FBLIM1: variants seen among roughly 807,000 people sequenced by gnomAD.
FBLIM1 encodes the protein filamin binding LIM protein 1, also known as filamin-binding LIM protein 1.
Under a neutral mutation model 37.4 loss-of-function variants are expected in FBLIM1, and 29 were observed. The observed-to-expected ratio is 0.77, with a 90% CI of 0.58 to 1.06. The LOEUF is 1.06. Among genes scored for constraint, FBLIM1 ranks in the 50% least tolerant of loss-of-function variants. FBLIM1 has a pLI of 0.00. For synonymous variants in FBLIM1, 193 were observed against 199.0 expected (o/e 0.97, Z 0.25); for missense variants, 449 against 505.6 (o/e 0.89, Z 1.07).
At chr1:15,762,111 CAG>C (rs1221346445) in intron 1 of FBLIM1, among the ~76,000 whole-genome samples, 19 of 150,604 alleles carry the variant, frequency 1.3e-4, no homozygotes, top group Admixed American at 4.6e-4. Flanking sequence ...TTTTTCGAGA[CAG>C]AGTTTCACTC....
At chr1:15,771,381 G>A (rs2069201830) in intron 6 of FBLIM1, among the ~76,000 whole-genome samples, 1 of 151,186 alleles carries the variant, frequency 6.6e-6, no homozygotes, top group South Asian at 2.1e-4. Context: ...TGAGTAGCTG[G>A]GACTACAGGT....
At chr1:15,759,544 C>T (rs1339351941) in intron 1 of FBLIM1, among the ~76,000 whole-genome samples, 1 of 152,022 alleles carries the variant, frequency 6.6e-6, no homozygotes, top group African/African-American at 2.4e-5. Context: ...CCTGGAGGCA[C>T]CCCCAGCCGA....
intron 7 of FBLIM1, 112 bp from the exon 8 acceptor site, chr1:15,777,058 G>C: frequency 3.9e-6 from 3 of 765,940 alleles, no homozygotes; most frequent in Non-Finnish European, 6.7e-6. Flanking sequence ...CCATAGCAAC[G>C]GGACTGAAAT....
chr1:15,776,483 T>C (rs773253656), intron 7 of FBLIM1, among the ~76,000 whole-genome samples: 2 of 152,086 alleles, frequency 1.3e-5, no homozygotes, highest in African/African-American at 2.4e-5. Flanking sequence ...AATGATGCAG[T>C]GGGGACACAC....
Position 15,774,722 on chromosome 1 carries a change from C to T in FBLIM1, c.816C>T (p.Cys272=), listed in dbSNP as rs41268337. Residue 272 remains cysteine (C), a synonymous_variant, in exon 7 of 9, where the codon TGC becomes TGT. Coordinates refer to ENST00000375766, the MANE Select transcript of FBLIM1 (RefSeq NM_017556.4). The part of the protein sequence containing the change: ...FHPSCFTCVT[C]ARCIGDESFA... ...CCTCCTGCTTCACGTGTGTGACCTG[C>T]GCCCGGTGCATTGGGGATGAGAGCT... 141,743 of 1,614,112 alleles carry T rather than the reference C, an allele frequency of 0.088. 6,797 individuals carry two copies. Among genetic ancestry groups the T allele is most frequent in the Middle Eastern group, 0.11 (652 of 6,050 alleles).
In FBLIM1 at chr1:15,774,620, C is replaced by G; in HGVS notation, c.714C>G (p.Asp238Glu). 1 of 1,612,278 alleles carries G rather than the reference C, an allele frequency of 6.2e-7. No individual in the cohort carries two copies. Among genetic ancestry groups the G allele is most frequent in the Non-Finnish European group, 8.5e-7 (1 of 1,179,150 alleles). The change falls in exon 7 of 9, where the codon GAC (aspartate) becomes GAG (glutamate). Residue 238 changes from aspartate to glutamate, a missense_variant and splice_region_variant. Coordinates refer to ENST00000375766, the MANE Select transcript of FBLIM1 (RefSeq NM_017556.4). ...GRPLCEPCYQ[D>E]TLERCGKCGE... ...TCTGGCAGTGGCCTCTGTCCTAGGA[C>G]ACACTGGAGAGGTGCGGCAAGTGTG...
intron 8 of FBLIM1, among the ~76,000 whole-genome samples, 161 bp downstream of exon 8, chr1:15,777,448 T>C (rs1184771654): frequency 6.6e-6 from 1 of 152,090 alleles, no homozygotes; most frequent in African/African-American, 2.4e-5. Flanking sequence ...AACCATAGTC[T>C]ATTATCAACT....
chr1:15,764,871 G>C, intron 2 of FBLIM1, 93 bp from the exon 3 acceptor site: 1 of 1,445,576 alleles, frequency 6.9e-7, no homozygotes, highest in Non-Finnish European at 9.3e-7. Flanking sequence ...TGGCTGGCCT[G>C]TCTTTTTGGG....
chr1:15,767,326 C>G (rs1202264278), intron 3 of FBLIM1, 50 bp from the exon 4 acceptor site: 2 of 1,491,004 alleles, frequency 1.3e-6, no homozygotes, highest in African/African-American at 1.5e-5. Flanking sequence ...AAAACCCTCC[C>G]AGGTCCACCT....
At chr1:15,776,919 A>G (rs1037629241) in intron 7 of FBLIM1, 31 of 405,754 alleles carry the variant, frequency 7.6e-5, no homozygotes, top group African/African-American at 5.9e-4. Context: ...AAGACAGATG[A>G]GATGGGTCCC....
Position 15,770,497 on chromosome 1 carries a change from G to T in FBLIM1, c.630G>T (p.Thr210=). Residue 210 remains threonine, a synonymous_variant, in exon 6 of 9, where the codon ACG becomes ACT. Transcript: ENST00000375766. ...MKRQYHAQCF[T]CRTCRRQLAG... ...GGCAGTACCATGCCCAGTGCTTCAC[G>T]TGCCGCACCTGCCGCCGCCAGCTGG... is the stretch of plus-strand genomic sequence containing the variant. 1 of 1,613,740 alleles carries T rather than the reference G, an allele frequency of 6.2e-7. No homozygotes were observed. Among genetic ancestry groups the T allele is most frequent in the Non-Finnish European group, 8.5e-7 (1 of 1,179,986 alleles).
intron 3 of FBLIM1, 69 bp from the exon 4 acceptor site, chr1:15,767,307 T>C (rs2068971020): frequency 1.2e-5 from 17 of 1,426,360 alleles, no homozygotes; most frequent in Admixed American, 5.1e-5. Flanking sequence ...TATGGCCATG[T>C]AGGTAAGTAA....
In FBLIM1 at chr1:15,765,252, T is replaced by C. The variant is rs776290791; in HGVS notation, c.250+19T>C. ...AATGGAGGTAAGAGCTGAGGGGACT[T>C]TGGGGAAGACCACGTCAGAGGCAGA... is the stretch of plus-strand genomic sequence containing the variant. On this transcript the variant is annotated intron_variant, in intron 3 of 8. Transcript: ENST00000375766. This position sits in a 1 kb window ranked among gnomAD's most constrained non-coding sequence, Gnocchi z 5.9. 1.3e-6 allele frequency: 2 copies of C among 1,593,156 alleles called. No individual in the cohort carries two copies. Among genetic ancestry groups the C allele is most frequent in the Non-Finnish European group, 1.7e-6 (2 of 1,165,992 alleles).
chr1:15,764,947 C>A lies in FBLIM1; in HGVS notation c.-20-17C>A. 6 of 1,590,640 alleles carry A rather than the reference C, an allele frequency of 3.8e-6. No homozygotes were observed. Among genetic ancestry groups the A allele is most frequent in the Non-Finnish European group, 5.1e-6 (6 of 1,169,048 alleles). On this transcript the variant is annotated splice_polypyrimidine_tract_variant and intron_variant, in intron 2 of 8. Coordinates refer to ENST00000375766, the MANE Select transcript of FBLIM1 (RefSeq NM_017556.4). The stretch of plus-strand genomic sequence containing the variant: ...GTCTGGGTGGCAATCCTGTGCTGTA[C>A]CCCACTCTGTCCCTAGCCACACCAG...
chr1:15,768,976 C>T (rs2069067098), intron 5 of FBLIM1, among the ~76,000 whole-genome samples: 1 of 152,180 alleles, frequency 6.6e-6, no homozygotes. Flanking sequence ...TGCCCCATCC[C>T]CCTACCACCC....
chr1:15,786,560 T>A lies in FBLIM1; in HGVS notation c.*1899T>A, dbSNP rs904512998. On this transcript the variant is annotated 3_prime_UTR_variant, in exon 9 of 9. Transcript: ENST00000375766. Reference sequence around the variant, plus strand: ...CTAGTTACGTTTTTCTTCTTACACATGAAAATAAATGCATAAGTGTTAGAA... The same window carrying A: ...CTAGTTACGTTTTTCTTCTTACACAAGAAAATAAATGCATAAGTGTTAGAA... 2.6e-5 allele frequency: 4 copies of A among 152,364 alleles called. No homozygotes were observed. The South Asian group carries it at 6.2e-4, about 24-fold the overall frequency. 9.4% of individuals were successfully genotyped at this position (152,364 alleles called of 1,614,324 possible). A position where few individuals can be genotyped will look rare whatever the true frequency, so the allele number is the denominator to read the frequency against.
Position 15,777,193 on chromosome 1 carries a change from TC to T in FBLIM1, c.915del (p.Cys306ValfsTer49). 6.2e-7 allele frequency: 1 copy of T among 1,610,030 alleles called. No individual in the cohort carries two copies. Among genetic ancestry groups the T allele is most frequent in the Non-Finnish European group, 8.5e-7 (1 of 1,176,744 alleles). ...FYRKFAPVCS[I>X]CENPIIPRDG... ...AGGAAATTCGCCCCCGTCTGCAGCA[TC>T]TGTGAAAATCCCATCATCCCTCGGG... On this transcript the variant is annotated frameshift_variant, in exon 8 of 9. Coordinates refer to ENST00000375766, the MANE Select transcript of FBLIM1 (RefSeq NM_017556.4). LOFTEE classifies it high-confidence loss of function.
intron 3 of FBLIM1, 149 bp from the exon 4 acceptor site, chr1:15,767,227 A>C: frequency 1.6e-6 from 1 of 619,418 alleles, no homozygotes; most frequent in Non-Finnish European, 2.7e-6. Flanking sequence ...ACACACAGCA[A>C]ATCAGTGGCA....
chr1:15,781,194 CT>C (rs1316551612), intron 8 of FBLIM1, among the ~76,000 whole-genome samples: 1 of 152,072 alleles, frequency 6.6e-6, no homozygotes, highest in Non-Finnish European at 1.5e-5. Context: ...CCCATCTCTA[CT>C]AAAAATACAA....
Sources: allele counts gnomAD v4.1 joint callset (sites outside exome capture counted in the v4.1 genomes callset), GRCh38; gene constraint gnomAD v4.1.1; non-coding constraint Gnocchi (gnomAD v3.1); transcripts MANE v1.5; gene names NCBI Gene and HGNC (gene_info 2026-07-23, HGNC 2026-07-21).